FRMPD4: variants seen among roughly 807,000 people sequenced by gnomAD.
FRMPD4 encodes the protein FERM and PDZ domain containing 4.
Under a neutral mutation model 94.1 loss-of-function variants are expected in FRMPD4, and 22 were observed. The ratio of observed to expected loss-of-function variants is 0.23; its 90% CI spans 0.17 to 0.33. FRMPD4 has a LOEUF of 0.33. Ranked by LOEUF, FRMPD4 falls within the 10% of genes least tolerant of loss-of-function variation. The pLI, the probability that FRMPD4 is intolerant of heterozygous loss-of-function variation, is 1.00. For synonymous variants in FRMPD4, 631 were observed against 548.6 expected (o/e 1.15, Z -2.10); for missense variants, 1,111 against 1,339.9 (o/e 0.83, Z 2.67).
At chrX:12,527,676 A>C (rs1346853205) in intron 2 of FRMPD4, among the ~76,000 whole-genome samples, 1 of 110,258 alleles carries the variant, frequency 9.1e-6, no homozygotes, top group Non-Finnish European at 1.9e-5. Flanking sequence ...ACAAAAGTGT[A>C]ATCTACACTG....
intron 2 of FRMPD4, among the ~76,000 whole-genome samples, chrX:12,599,349 G>T (rs909829221): frequency 3.6e-5 from 4 of 111,407 alleles, no homozygotes; most frequent in Non-Finnish European, 7.5e-5. Context: ...GAAAAAGCCT[G>T]CCCAGCCATG....
chrX:11,844,448 A>T (rs750976227), intron 1 of FRMPD4, among the ~76,000 whole-genome samples: 10 of 110,803 alleles, frequency 9.0e-5, no homozygotes, highest in Admixed American at 1.9e-4. Flanking sequence ...TGGGATGGTT[A>T]ATTTTATGTG....
chrX:12,395,575 G>C (rs2056533326), intron 1 of FRMPD4, among the ~76,000 whole-genome samples: 1 of 111,383 alleles, frequency 9.0e-6, no homozygotes, highest in Non-Finnish European at 1.9e-5. Context: ...TTTCTCTTGA[G>C]AGTTATTTGG....
intron 1 of FRMPD4, among the ~76,000 whole-genome samples, chrX:11,853,237 A>G (rs2053635304): frequency 8.9e-6 from 1 of 112,074 alleles, no homozygotes; most frequent in Non-Finnish European, 1.9e-5. Flanking sequence ...TCTGGGACAC[A>G]GCTAAGGCAG....
intron 1 of FRMPD4, among the ~76,000 whole-genome samples, chrX:12,201,827 T>G (rs1237613123): frequency 9.0e-6 from 1 of 111,721 alleles, no homozygotes; most frequent in African/African-American, 3.3e-5. Context: ...TGTTCTTACT[T>G]ATAGAACTGA....
At chrX:12,548,189 G>T (rs955817543) in intron 2 of FRMPD4, among the ~76,000 whole-genome samples, 1 of 112,031 alleles carries the variant, frequency 8.9e-6, no homozygotes, top group African/African-American at 3.2e-5. Context: ...TGAAGTGTGA[G>T]ATGTCTGAAA....
intron 1 of FRMPD4, among the ~76,000 whole-genome samples, chrX:12,303,447 T>C (rs1036550922): frequency 8.9e-6 from 1 of 111,883 alleles, no homozygotes; most frequent in Admixed American, 9.5e-5. Flanking sequence ...TTTTCATTAG[T>C]CTTTTTAATT....
chrX:12,436,188 T>G (rs1217520098), intron 1 of FRMPD4, among the ~76,000 whole-genome samples: 2 of 111,001 alleles, frequency 1.8e-5, no homozygotes, highest in East Asian at 2.9e-4. Context: ...GTATTTTTAG[T>G]GGACACGGGT....
At chrX:12,296,094 C>T (rs1016259779) in intron 1 of FRMPD4, among the ~76,000 whole-genome samples, 1 of 110,615 alleles carries the variant, frequency 9.0e-6, no homozygotes, top group Admixed American at 9.6e-5. Flanking sequence ...CGCTTCCAGT[C>T]GTGACAATCA....
At chrX:12,378,736 G>A (rs1039840287) in intron 1 of FRMPD4, among the ~76,000 whole-genome samples, 22 of 112,090 alleles carry the variant, frequency 2.0e-4, no homozygotes, top group Non-Finnish European at 1.1e-4. Context: ...GAAAGGGAGA[G>A]ATTTTCTCTT....
chrX:12,139,112 C>A, intron 1 of FRMPD4, 100 bp downstream of exon 1: 3 of 663,259 alleles, frequency 4.5e-6, no homozygotes, highest in South Asian at 3.7e-5. Flanking sequence ...AGCTGGAAAG[C>A]GCGACGGGGC....
chrX:12,317,178 G>A (rs780428639), intron 1 of FRMPD4, among the ~76,000 whole-genome samples: 4 of 111,583 alleles, frequency 3.6e-5, no homozygotes, highest in Admixed American at 9.5e-5. Flanking sequence ...AGAACGTAGA[G>A]GAAAGGATAG....
chrX:11,944,410 T>C (rs1883862885), intron 3 of FRMPD4, among the ~76,000 whole-genome samples: 1 of 112,194 alleles, frequency 8.9e-6, no homozygotes, highest in Admixed American at 9.4e-5. Flanking sequence ...CATCTTTTAA[T>C]CTTCATTTTC....
chrX:11,854,898 A>G (rs2053645478), intron 1 of FRMPD4, among the ~76,000 whole-genome samples: 1 of 111,691 alleles, frequency 9.0e-6, no homozygotes, highest in Non-Finnish European at 1.9e-5. Context: ...CCACCAGGCA[A>G]TGCCCCAGTG....
chrX:12,098,081 G>T (rs1449693010), intron 3 of FRMPD4, among the ~76,000 whole-genome samples: 1 of 112,009 alleles, frequency 8.9e-6, no homozygotes, highest in Non-Finnish European at 1.9e-5. Flanking sequence ...GCCAACACTT[G>T]TTGTTGTCCA....
At chrX:12,022,904 A>G (rs1601889184) in intron 3 of FRMPD4, among the ~76,000 whole-genome samples, 1 of 110,874 alleles carries the variant, frequency 9.0e-6, no homozygotes, top group African/African-American at 3.3e-5. Flanking sequence ...TCTTGCTGCC[A>G]CTATCGATGT....
chrX:11,858,021 T>G (rs1257237335), intron 1 of FRMPD4, among the ~76,000 whole-genome samples: 1 of 111,172 alleles, frequency 9.0e-6, no homozygotes, highest in Non-Finnish European at 1.9e-5. Context: ...CTCACACCAG[T>G]AAGAATGACT....
intron 1 of FRMPD4, among the ~76,000 whole-genome samples, chrX:12,453,542 G>A (rs1039473932): frequency 3.6e-5 from 4 of 111,404 alleles, no homozygotes; most frequent in Non-Finnish European, 5.7e-5. Flanking sequence ...TAAGGTCATC[G>A]TTTTTTTCAT....
At chrX:12,599,175 C>T (rs2059061274) in intron 2 of FRMPD4, among the ~76,000 whole-genome samples, 1 of 111,130 alleles carries the variant, frequency 9.0e-6, no homozygotes, top group South Asian at 3.8e-4. Context: ...TCAACTACTG[C>T]CCTAAAATAT....
Sources: allele counts gnomAD v4.1 joint callset (sites outside exome capture counted in the v4.1 genomes callset), GRCh38; gene constraint gnomAD v4.1.1; transcripts MANE v1.5; gene names NCBI Gene and HGNC (gene_info 2026-07-23, HGNC 2026-07-21).